The following SORL1 variants were observed in gnomAD, a reference collection of about 807,000 sequenced individuals.
SORL1 encodes sortilin related receptor 1, also known as sortilin-related receptor.
Under a neutral mutation model 273.7 loss-of-function variants are expected in SORL1, and 127 were observed. That is an observed-to-expected ratio of 0.46 (90% CI 0.40 to 0.54). The LOEUF (loss-of-function observed/expected upper bound fraction) is 0.54. Ranked by LOEUF, SORL1 falls within the 20% of genes least tolerant of loss-of-function variation. SORL1 has a pLI of 0.00. For synonymous variants in SORL1, 1,031 were observed against 1,067.4 expected (o/e 0.97, Z 0.66); for missense variants, 2,494 against 2,846.1 (o/e 0.88, Z 2.81).
At chr11:121,599,276 G>A (rs1198077938) in intron 32 of SORL1, among the ~76,000 whole-genome samples, 1 of 152,198 alleles carries the variant, frequency 6.6e-6, no homozygotes, top group Non-Finnish European at 1.5e-5. Context: ...CAGGCGCGGT[G>A]GCTCACACCT....
Position 121,586,291 on chromosome 11 carries a change from T to C in SORL1, c.3776T>C (p.Leu1259Pro). The C allele has an allele frequency of 6.2e-7, 1 of 1,614,192 alleles. No individual in the cohort carries two copies. Among genetic ancestry groups the C allele is most frequent in the Non-Finnish European group, 8.5e-7 (1 of 1,179,988 alleles). The change falls in exon 27 of 48, where the codon CTG becomes CCG. Residue 1259 changes from leucine to proline, a missense_variant. By Grantham distance (98) the Leu-to-Pro change is moderately conservative (BLOSUM62 -3). Around this residue, in one of 3 missense-constraint regions of SORL1, gnomAD observed 1,609 missense variants for 1,816.4 expected, o/e 0.89. Coordinates refer to ENST00000260197, the MANE Select transcript of SORL1 (RefSeq NM_003105.6). ...CIPSSKHCDG[L>P]RDCSDGSDEQ... ...CCATCCAGCAAACATTGTGATGGTC[T>C]GCGTGATTGCTCTGATGGCTCCGAT... is the stretch of plus-strand genomic sequence containing the variant.
intron 6 of SORL1, among the ~76,000 whole-genome samples, chr11:121,507,008 A>C (rs556087086): frequency 6.6e-6 from 1 of 152,326 alleles, no homozygotes; most frequent in African/African-American, 2.4e-5. Context: ...ATTACAATAA[A>C]TATCTTAATT....
At chr11:121,562,298 T>C (rs186520550) in intron 21 of SORL1, among the ~76,000 whole-genome samples, 57 of 152,282 alleles carry the variant, frequency 3.7e-4, no homozygotes, top group African/African-American at 9.9e-4. Context: ...TGTCCATCTT[T>C]ATTATTTTTG....
At chr11:121,544,351 G>C (rs1300871551) in intron 13 of SORL1, among the ~76,000 whole-genome samples, 1 of 152,024 alleles carries the variant, frequency 6.6e-6, no homozygotes, top group South Asian at 2.1e-4. Flanking sequence ...ACACATTTGT[G>C]GCTGATATCC....
At chr11:121,481,331 A>ATACC (rs1315002540) in intron 3 of SORL1, among the ~76,000 whole-genome samples, 1 of 127,116 alleles carries the variant, frequency 7.9e-6, no homozygotes, top group South Asian at 2.6e-4. Context: ...TAGTGCACAG[A>ATACC]TACCTATAAG....
At chr11:121,566,661 GTC>G in intron 21 of SORL1, 1 of 356,798 alleles carries the variant, frequency 2.8e-6, no homozygotes, top group South Asian at 4.6e-5. Flanking sequence ...TTGCTTTCTT[GTC>G]TTTCAGTGAC....
intron 2 of SORL1, among the ~76,000 whole-genome samples, chr11:121,471,923 C>T (rs1327531113): frequency 1.3e-5 from 2 of 152,146 alleles, no homozygotes; most frequent in Non-Finnish European, 2.9e-5. Context: ...GACTTTGGCC[C>T]ATTTATAAAT....
At chr11:121,465,674 C>T (rs976875645) in intron 1 of SORL1, among the ~76,000 whole-genome samples, 6 of 152,174 alleles carry the variant, frequency 3.9e-5, no homozygotes, top group Non-Finnish European at 7.4e-5. Flanking sequence ...ACTACAGGCA[C>T]GTGCCACCGT....
intron 16 of SORL1, among the ~76,000 whole-genome samples, chr11:121,552,582 C>T (rs940359215): frequency 2.0e-5 from 3 of 152,170 alleles, no homozygotes; most frequent in Non-Finnish European, 4.4e-5. Context: ...CTGGGAATGA[C>T]AGCGGGAAGG....
chr11:121,568,406 G>A (rs1226434095), intron 22 of SORL1, among the ~76,000 whole-genome samples: 2 of 152,170 alleles, frequency 1.3e-5, no homozygotes, highest in Non-Finnish European at 2.9e-5. Flanking sequence ...CAAGAGAAGG[G>A]GAAGAAAGCT....
At chr11:121,599,656 T>C (rs1162821751) in intron 32 of SORL1, among the ~76,000 whole-genome samples, 4 of 152,266 alleles carry the variant, frequency 2.6e-5, no homozygotes, top group Admixed American at 2.6e-4. Flanking sequence ...CTTTCAGTTG[T>C]AAGGTTGAGC....
intron 2 of SORL1, among the ~76,000 whole-genome samples, chr11:121,477,593 T>A (rs924607471): frequency 6.6e-6 from 1 of 152,080 alleles, no homozygotes; most frequent in Non-Finnish European, 1.5e-5. Context: ...ACTGCAGGGG[T>A]CCCATGCTTT....
intron 6 of SORL1, among the ~76,000 whole-genome samples, chr11:121,497,960 C>G (rs1861656278): frequency 1.3e-5 from 2 of 152,152 alleles, no homozygotes; most frequent in Non-Finnish European, 2.9e-5. Flanking sequence ...GGAAGTAGGT[C>G]AACCTTCTTA....
At chr11:121,539,181 G>A (rs1436768870) in intron 12 of SORL1, among the ~76,000 whole-genome samples, 3 of 152,164 alleles carry the variant, frequency 2.0e-5, no homozygotes, top group East Asian at 1.9e-4. Flanking sequence ...ATCTGACTGC[G>A]TGGTCCACAA....
rs562158288 is a variant in SORL1 at position 121,519,021 on chromosome 11, C to T, written c.1212-1636C>T. Among the ~76,000 whole-genome samples, 22 of 150,226 alleles carry T rather than the reference C, an allele frequency of 1.5e-4. No homozygotes were observed. In the South Asian group the frequency reaches 4.2e-3, roughly 29 times the overall value. ...GGAGTGCAGTGGCACGATCTCAGCTCACTGCAACCTCCGCCTCCCGGGTTC... is the reference window on the plus strand; with the variant it reads ...GGAGTGCAGTGGCACGATCTCAGCTTACTGCAACCTCCGCCTCCCGGGTTC... On this transcript the variant is annotated intron_variant, in intron 8 of 47. Transcript: ENST00000260197.
intron 11 of SORL1, among the ~76,000 whole-genome samples, chr11:121,527,413 A>G (rs1307407358): frequency 6.6e-6 from 1 of 152,032 alleles, no homozygotes; most frequent in Non-Finnish European, 1.5e-5. Context: ...ATTTTGTTAA[A>G]GATTTTTGCA....
rs906789356 is a variant in SORL1, at chr11:121,459,834, C to T, written c.285+7218C>T. On this transcript the variant is annotated intron_variant, in intron 1 of 47. Coordinates refer to ENST00000260197, the MANE Select transcript of SORL1 (RefSeq NM_003105.6). The stretch of plus-strand genomic sequence containing the variant: ...TCTTCCCTTCAACCCTCCAGATTGG[C>T]ATGAAGACAAACACTACAGGCGTGT... Among the ~76,000 whole-genome samples, 3 of 152,220 alleles carry T rather than the reference C, an allele frequency of 2.0e-5. No homozygotes were observed. In the East Asian group the frequency reaches 5.8e-4, roughly 29 times the overall value.
chr11:121,579,096 CG>C (rs1862977467), intron 25 of SORL1, among the ~76,000 whole-genome samples: 1 of 152,138 alleles, frequency 6.6e-6, no homozygotes, highest in African/African-American at 2.4e-5. Flanking sequence ...CAGCATGTGC[CG>C]GTCTTACAGA....
chr11:121,527,662 A>T (rs192898988), intron 11 of SORL1, among the ~76,000 whole-genome samples: 115 of 152,290 alleles, frequency 7.6e-4, no homozygotes, highest in South Asian at 1.2e-3. Context: ...TCTGGTTGAT[A>T]CAAGGCTATT....
Sources: allele counts gnomAD v4.1 joint callset (sites outside exome capture counted in the v4.1 genomes callset), GRCh38; gene constraint gnomAD v4.1.1; regional missense constraint gnomAD v4.1.1; transcripts MANE v1.5; gene names NCBI Gene and HGNC (gene_info 2026-07-23, HGNC 2026-07-21).